Variants in SPATA6 observed in about 807,000 individuals in gnomAD.
SPATA6 encodes the protein spermatogenesis associated 6, also known as spermatogenesis-associated protein 6.
SPATA6 carries 56 observed loss-of-function variants against 65.3 expected under a neutral mutation model. The observed-to-expected ratio is 0.86, with a 90% CI of 0.69 to 1.07. SPATA6 has a LOEUF of 1.07. Among genes scored for constraint, SPATA6 ranks in the 50% least tolerant of loss-of-function variants. The pLI is 0.00. For missense variants in SPATA6, 590 were observed against 594.8 expected (o/e 0.99, Z 0.08); for synonymous variants, 199 against 213.2 (o/e 0.93, Z 0.58).
chr1:48,444,654 A>G (rs1325365763), intron 3 of SPATA6, among the ~76,000 whole-genome samples: 2 of 152,250 alleles, frequency 1.3e-5, no homozygotes, highest in African/African-American at 2.4e-5. Flanking sequence ...TGGCCAACCC[A>G]GCCAGCAGCA....
rs765333630 is a variant in SPATA6, at chr1:48,395,321, A to G, written c.814T>C (p.Leu272=). ...TCACAGTCTCTTCCAGAAGATCCCA[A>G]TAAAGTATCAGCCCTGGGACTTGGG... ...DPPSPRADTL[L]GSSGRDCERD... The change falls in exon 8 of 13, where the codon TTG becomes CTG. Residue 272 remains leucine (L), a synonymous_variant. Transcript: ENST00000371847. 1.3e-6 allele frequency: 2 copies of G among 1,569,528 alleles called. No individual in the cohort carries two copies. The highest frequency in any genetic ancestry group is 1.2e-5 in the South Asian group (1 of 84,880).
At chr1:48,402,717 G>A (rs891988283) in intron 6 of SPATA6, 2 of 152,130 alleles carry the variant, frequency 1.3e-5, no homozygotes, top group African/African-American at 2.4e-5. Flanking sequence ...CTCCTTCCAC[G>A]ATAAGCCCAG....
chr1:48,384,064 G>A lies in SPATA6; in HGVS notation c.909+1245C>T, dbSNP rs367874049. Among the ~76,000 whole-genome samples the A allele has an allele frequency of 2.4e-4, 37 of 151,118 alleles. No individual in the cohort carries two copies. The East Asian group carries it at 6.4e-3, about 26-fold the overall frequency. ...GGGCACCATTGAGCACTGAGTGAAC[G>A]AGACTCCATCTGCAATCCCGGCACC... On this transcript the variant is annotated intron_variant, in intron 9 of 12. Transcript: ENST00000371847.
intron 11 of SPATA6, among the ~76,000 whole-genome samples, chr1:48,322,851 C>A (rs1203053202): frequency 6.6e-6 from 1 of 152,184 alleles, no homozygotes; most frequent in Non-Finnish European, 1.5e-5. Flanking sequence ...TAGAGAAATG[C>A]AAATCAAAAC....
Position 48,298,919 on chromosome 1 carries a change from A to C in SPATA6, c.1287-26T>G, listed in dbSNP as rs536111408. On this transcript the variant is annotated intron_variant, in intron 12 of 12. Coordinates refer to ENST00000371847, the MANE Select transcript of SPATA6 (RefSeq NM_019073.4). ...CTATAAAAAGGGATATAAAAGGTTCAAAACAATAATGAAACAAAATTAGAG... is the reference window on the plus strand; with the variant it reads ...CTATAAAAAGGGATATAAAAGGTTCCAAACAATAATGAAACAAAATTAGAG... 2.2e-5 allele frequency: 35 copies of C among 1,601,058 alleles called. 1 individual carries two copies. The African/African-American group carries it at 4.7e-4, about 22-fold the overall frequency.
chr1:48,342,237 G>GT (rs1646238895), intron 11 of SPATA6, among the ~76,000 whole-genome samples: 1 of 152,014 alleles, frequency 6.6e-6, no homozygotes, highest in Non-Finnish European at 1.5e-5. Flanking sequence ...ATAAAATTTT[G>GT]TTTTTTAAAA....
intron 9 of SPATA6, among the ~76,000 whole-genome samples, chr1:48,365,229 G>T (rs181459714): frequency 6.6e-6 from 1 of 152,274 alleles, no homozygotes; most frequent in Non-Finnish European, 1.5e-5. Flanking sequence ...AAGTCAGGTA[G>T]CGTGGTGCCT....
intron 1 of SPATA6, among the ~76,000 whole-genome samples, chr1:48,462,250 C>T (rs61774389): frequency 0.31 from 47,033 of 151,704 alleles, 8,930 homozygotes; most frequent in Middle Eastern, 0.43. Context: ...TGCTAAATGA[C>T]GAGTTAATGG....
intron 1 of SPATA6, 118 bp downstream of exon 1, chr1:48,471,840 G>A: frequency 8.1e-7 from 1 of 1,232,348 alleles, no homozygotes; most frequent in Admixed American, 1.9e-5. Context: ...TGAGGTCGAC[G>A]CTCCCTAGGG....
intron 11 of SPATA6, among the ~76,000 whole-genome samples, chr1:48,334,396 C>T (rs1451543041): frequency 1.3e-5 from 2 of 152,082 alleles, no homozygotes; most frequent in African/African-American, 2.4e-5. Context: ...CAAATACTAG[C>T]AAACTGAATC....
At chr1:48,322,294 A>T (rs1444259316) in intron 11 of SPATA6, among the ~76,000 whole-genome samples, 4 of 152,202 alleles carry the variant, frequency 2.6e-5, no homozygotes, top group Admixed American at 6.5e-5. Flanking sequence ...TCTTTGACAA[A>T]TCTGACAAAA....
intron 11 of SPATA6, among the ~76,000 whole-genome samples, chr1:48,306,955 C>G (rs1465223935): frequency 3.3e-5 from 5 of 151,676 alleles, no homozygotes; most frequent in African/African-American, 4.8e-5. Context: ...GATACAACCA[C>G]TTTCTTTTAG....
intron 11 of SPATA6, among the ~76,000 whole-genome samples, chr1:48,321,672 T>G (rs1379943310): frequency 2.0e-5 from 3 of 152,166 alleles, no homozygotes; most frequent in Non-Finnish European, 4.4e-5. Context: ...TAAATAAACC[T>G]AATAGATATT....
intron 3 of SPATA6, among the ~76,000 whole-genome samples, chr1:48,416,323 GAGAGT>G (rs1652780570): frequency 6.6e-6 from 1 of 152,038 alleles, no homozygotes; most frequent in Non-Finnish European, 1.5e-5. Flanking sequence ...CAAGCAAGAA[GAGAGT>G]AGAGTGAAAT....
chr1:48,422,430 T>C (rs543505629), intron 3 of SPATA6, among the ~76,000 whole-genome samples: 2 of 152,266 alleles, frequency 1.3e-5, no homozygotes, highest in South Asian at 2.1e-4. Context: ...TCTCACAGAC[T>C]AGAAGCAGAA....
chr1:48,369,989 T>A (rs1009373431), intron 9 of SPATA6, among the ~76,000 whole-genome samples: 1 of 152,222 alleles, frequency 6.6e-6, no homozygotes, highest in African/African-American at 2.4e-5. Flanking sequence ...AAATCTATGA[T>A]ATGCAGAGTT....
rs891412982 is a variant in SPATA6 at position 48,375,802 on chromosome 1, T to G, written c.909+9507A>C. Among the ~76,000 whole-genome samples the G allele has an allele frequency of 1.2e-4, 19 of 152,184 alleles. 1 individual carries two copies. The highest frequency in any genetic ancestry group is 1.1e-3 in the Admixed American group (17 of 15,276). Reference sequence around the variant, plus strand: ...GAACTTTAAATTATACACTTATTTTTCTAAACAGCATGATTTCACCAAGGA... The same window carrying G: ...GAACTTTAAATTATACACTTATTTTGCTAAACAGCATGATTTCACCAAGGA... On this transcript the variant is annotated intron_variant, in intron 9 of 12. Transcript: ENST00000371847.
intron 11 of SPATA6, among the ~76,000 whole-genome samples, chr1:48,310,437 T>C (rs907515390): frequency 1.3e-5 from 2 of 152,184 alleles, no homozygotes; most frequent in Admixed American, 1.3e-4. Context: ...TCGGTCAAGT[T>C]AAAATGCCAT....
At chr1:48,430,983 T>C (rs577189185) in intron 3 of SPATA6, among the ~76,000 whole-genome samples, 35 of 152,220 alleles carry the variant, frequency 2.3e-4, no homozygotes, top group Middle Eastern at 3.4e-3. Context: ...AATGGTAGAA[T>C]GGATAAAAAC....
Sources: allele counts gnomAD v4.1 joint callset (sites outside exome capture counted in the v4.1 genomes callset), GRCh38; gene constraint gnomAD v4.1.1; transcripts MANE v1.5; gene names NCBI Gene and HGNC (gene_info 2026-07-23, HGNC 2026-07-21).